Variants in SORT1 observed in about 807,000 individuals in gnomAD.
SORT1 encodes sortilin.
SORT1 carries 39 observed loss-of-function variants against 101.7 expected under a neutral mutation model. The observed-to-expected ratio is 0.38, with a 90% CI of 0.30 to 0.50. The LOEUF is 0.50. Ranked by LOEUF, SORT1 falls within the 20% of genes least tolerant of loss-of-function variation. The pLI is 0.90. For missense variants in SORT1, 878 were observed against 1,040.4 expected (o/e 0.84, Z 2.15); for synonymous variants, 396 against 393.7 (o/e 1.01, Z -0.07).
intron 18 of SORT1, 76 bp downstream of exon 18, chr1:109,314,596 G>C (rs1658925180): frequency 8.5e-7 from 1 of 1,183,086 alleles, no homozygotes; most frequent in Admixed American, 1.9e-5. Flanking sequence ...TTTGCCAAGA[G>C]TAGACTCAGC....
chr1:109,394,183 TC>T (rs1653064693), intron 1 of SORT1, among the ~76,000 whole-genome samples: 1 of 152,208 alleles, frequency 6.6e-6, no homozygotes, highest in Non-Finnish European at 1.5e-5. Flanking sequence ...TTTCTTGTCA[TC>T]CCTTTTGTTT....
chr1:109,334,804 A>C (rs1326641824), intron 11 of SORT1, among the ~76,000 whole-genome samples: 1 of 152,192 alleles, frequency 6.6e-6, no homozygotes, highest in Non-Finnish European at 1.5e-5. Flanking sequence ...ATTTTTGTCA[A>C]TTATGCCTCC....
At chr1:109,374,931 C>G (rs920538958) in intron 1 of SORT1, among the ~76,000 whole-genome samples, 5 of 152,178 alleles carry the variant, frequency 3.3e-5, no homozygotes, top group African/African-American at 1.2e-4. Context: ...TGAACTCCAC[C>G]TGAGTGACAG....
chr1:109,359,213 A>G (rs374111228), intron 3 of SORT1, among the ~76,000 whole-genome samples: 4 of 152,060 alleles, frequency 2.6e-5, no homozygotes, highest in African/African-American at 9.6e-5. Flanking sequence ...GTAACCGTAC[A>G]TGACAGAAGG....
At chr1:109,359,606 T>A (rs1557809236) in intron 3 of SORT1, among the ~76,000 whole-genome samples, 1 of 152,114 alleles carries the variant, frequency 6.6e-6, no homozygotes, top group Non-Finnish European at 1.5e-5. Context: ...TTCAAGCGGT[T>A]CTCCTGCCTC....
At chr1:109,332,255 C>G (rs1053921293) in intron 11 of SORT1, among the ~76,000 whole-genome samples, 2 of 152,128 alleles carry the variant, frequency 1.3e-5, no homozygotes, top group African/African-American at 4.8e-5. Flanking sequence ...TGAGTACCTG[C>G]TATATTTCAG....
intron 3 of SORT1, among the ~76,000 whole-genome samples, chr1:109,360,495 ATTT>A (rs774193343): frequency 7.0e-4 from 93 of 132,162 alleles, no homozygotes; most frequent in African/African-American, 2.2e-3. Flanking sequence ...ACCACACTCA[ATTT>A]TTTTTTTTTT....
chr1:109,334,347 A>AAAAAAGAAGGAAATCC (rs1467500062), intron 11 of SORT1, among the ~76,000 whole-genome samples: 2 of 152,234 alleles, frequency 1.3e-5, no homozygotes, highest in Admixed American at 1.3e-4. Flanking sequence ...ATGGAATATT[A>AAAAAAGAAGGAAATCC]TTCAGCCTTA....
chr1:109,320,823 A>C (rs1206448968), intron 15 of SORT1, among the ~76,000 whole-genome samples: 1 of 152,214 alleles, frequency 6.6e-6, no homozygotes, highest in African/African-American at 2.4e-5. Context: ...CCTGGTAAGT[A>C]TTTAGGAGAG....
chr1:109,314,018 T>A lies in SORT1; in HGVS notation c.*25A>T. ...AGAGGTACTGTGGTTCCACCATCCA[T>A]GCTGGGTCCAGCTCCTCTGAAGAGC... is the stretch of plus-strand genomic sequence containing the variant. On this transcript the variant is annotated 3_prime_UTR_variant, in exon 20 of 20. Coordinates refer to ENST00000256637, the MANE Select transcript of SORT1 (RefSeq NM_002959.7). 1 of 1,612,910 alleles carries A rather than the reference T, an allele frequency of 6.2e-7. No individual in the cohort carries two copies. The highest frequency in any genetic ancestry group is 1.1e-5 in the South Asian group (1 of 91,048).
intron 13 of SORT1, 142 bp from the exon 14 acceptor site, chr1:109,325,231 CTTTTTT>C: frequency 4.8e-4 from 92 of 190,210 alleles, no homozygotes; most frequent in Non-Finnish European, 5.5e-4. Flanking sequence ...ATTATTTTAA[CTTTTTT>C]TTTTTTTTTT....
intron 1 of SORT1, among the ~76,000 whole-genome samples, chr1:109,370,491 T>G (rs191751520): frequency 1.3e-5 from 2 of 152,298 alleles, no homozygotes; most frequent in African/African-American, 4.8e-5. Flanking sequence ...AGGTAATAAC[T>G]GCACTTGGCA....
chr1:109,326,428 AATAT>A (rs1166570516), intron 13 of SORT1, among the ~76,000 whole-genome samples: 2,245 of 70,856 alleles, frequency 0.032, 54 homozygotes, highest in Non-Finnish European at 0.037. Flanking sequence ...AGACAGAAAG[AATAT>A]ATATATATAT....
intron 1 of SORT1, among the ~76,000 whole-genome samples, chr1:109,380,817 A>AAAG (rs1361993524): frequency 6.8e-6 from 1 of 146,690 alleles, no homozygotes; most frequent in South Asian, 2.1e-4. Context: ...TCGCCACAAA[A>AAAG]AAAAAAAAAA....
chr1:109,343,370 G>T (rs536998749), intron 8 of SORT1, among the ~76,000 whole-genome samples: 2 of 152,158 alleles, frequency 1.3e-5, no homozygotes, highest in Non-Finnish European at 2.9e-5. Context: ...ATAATTCTCA[G>T]AATGCACCTA....
intron 1 of SORT1, among the ~76,000 whole-genome samples, chr1:109,382,062 A>T (rs1233854778): frequency 2.8e-5 from 4 of 142,578 alleles, no homozygotes; most frequent in African/African-American, 1.1e-4. Context: ...ATTTTTACTT[A>T]AAAAAAAAAG....
In SORT1 at chr1:109,322,951, A is replaced by C. The variant is rs754490158; in HGVS notation, c.2005T>G (p.Ser669Ala). ...VTKQPSICLCSLEDFLCDFGY... is the reference protein window; with the variant it reads ...VTKQPSICLCALEDFLCDFGY... Reference sequence around the variant, plus strand: ...TGATACCAGAGAAAGTCCTCCAGGGAACAGAGGCAGATGGAGGGCTGCTTG... The same window carrying C: ...TGATACCAGAGAAAGTCCTCCAGGGCACAGAGGCAGATGGAGGGCTGCTTG... Residue 669 changes from serine to alanine, a missense_variant, in exon 15 of 20, where the codon TCC (serine) becomes GCC (alanine). This residue lies in a region of SORT1 where 684 missense variants were observed against 894.5 expected (regional missense o/e 0.76). Coordinates refer to ENST00000256637, the MANE Select transcript of SORT1 (RefSeq NM_002959.7). 12 of 1,613,626 alleles carry C rather than the reference A, an allele frequency of 7.4e-6. No homozygotes were observed. Among genetic ancestry groups the C allele is most frequent in the Non-Finnish European group, 1.0e-5 (12 of 1,179,808 alleles).
Position 109,369,577 on chromosome 1 carries a change from C to T in SORT1, c.319G>A (p.Asp107Asn), listed in dbSNP as rs1651346443. The change falls in exon 2 of 20, where the codon GAT becomes AAT. Residue 107 changes from aspartate (D) to asparagine (N), a missense_variant. Around this residue, in one of 2 missense-constraint regions of SORT1, gnomAD observed 684 missense variants for 894.5 expected, o/e 0.76. Coordinates refer to ENST00000256637, the MANE Select transcript of SORT1 (RefSeq NM_002959.7). Reference protein sequence around the residue: ...ANNTHQHVFDDLRGSVSLSWV... With the variant: ...ANNTHQHVFDNLRGSVSLSWV... The stretch of plus-strand genomic sequence containing the variant: ...GACAAGGATACTGAGCCTCTGAGAT[C>T]ATCAAACACATGCTATAAGGGGAAA... 6.2e-7 allele frequency: 1 copy of T among 1,606,316 alleles called. No homozygotes were observed. Among genetic ancestry groups the T allele is most frequent in the Non-Finnish European group, 8.5e-7 (1 of 1,173,084 alleles).
intron 14 of SORT1, among the ~76,000 whole-genome samples, chr1:109,323,907 G>A (rs1647808941): frequency 6.6e-6 from 1 of 152,142 alleles, no homozygotes; most frequent in East Asian, 1.9e-4. Flanking sequence ...AGATGACAGC[G>A]ACCCTCAGGC....
Sources: allele counts gnomAD v4.1 joint callset (sites outside exome capture counted in the v4.1 genomes callset), GRCh38; gene constraint gnomAD v4.1.1; regional missense constraint gnomAD v4.1.1; transcripts MANE v1.5; gene names NCBI Gene and HGNC (gene_info 2026-07-23, HGNC 2026-07-21).